PAK3: variants seen among roughly 807,000 people sequenced by gnomAD.
PAK3 encodes the protein serine/threonine-protein kinase PAK 3.
Under a neutral mutation model 41.0 loss-of-function variants are expected in PAK3, and 4 were observed. The observed-to-expected ratio is 0.10, with a 90% CI of 0.05 to 0.22. The LOEUF (loss-of-function observed/expected upper bound fraction) is 0.22. PAK3 is among the 10% of genes least tolerant of loss of function. The probability of loss-of-function intolerance (pLI) is 1.00; values close to 1 mark genes in which losing one functional copy is unlikely to be tolerated. For missense variants in PAK3, 205 were observed against 409.9 expected (o/e 0.50, Z 4.32); for synonymous variants, 146 against 139.6 (o/e 1.05, Z -0.32).
At chrX:111,217,946 A>T (rs776129445) in intron 17 of PAK3, among the ~76,000 whole-genome samples, 2 of 112,767 alleles carry the variant, frequency 1.8e-5, no homozygotes, top group Admixed American at 1.9e-4. Flanking sequence ...TTATCTAGTT[A>T]ATTCATTCCC....
intron 1 of PAK3, among the ~76,000 whole-genome samples, chrX:110,979,290 ACTTTT>A (rs201293902): frequency 0.049 from 2,025 of 40,976 alleles, 116 homozygotes; most frequent in Middle Eastern, 0.097. Context: ...TTTCTCTATT[ACTTTT>A]CTTTTTTTTT....
intron 1 of PAK3, among the ~76,000 whole-genome samples, chrX:111,040,035 G>GA (rs972004486): frequency 8.9e-5 from 9 of 101,674 alleles, no homozygotes; most frequent in African/African-American, 3.3e-4. Context: ...AAGAAAGAAA[G>GA]AAAAAAAAAT....
At chrX:111,009,578 T>C (rs2148705471) in intron 1 of PAK3, among the ~76,000 whole-genome samples, 1 of 112,122 alleles carries the variant, frequency 8.9e-6, no homozygotes, top group African/African-American at 3.2e-5. Context: ...TTTGTTATCA[T>C]GTCTTCTATC....
intron 6 of PAK3, chrX:111,144,891 C>T (rs747678142): frequency 1.5e-5 from 17 of 1,144,821 alleles, no homozygotes; most frequent in South Asian, 5.8e-5. Flanking sequence ...AGACCTGTGA[C>T]GGTCGCTTCA....
At chrX:111,100,081 A>G (rs988878878) in intron 3 of PAK3, among the ~76,000 whole-genome samples, 1 of 110,649 alleles carries the variant, frequency 9.0e-6, no homozygotes, top group Non-Finnish European at 1.9e-5. Context: ...GTCCAAGTTA[A>G]TAATCTGCTA....
intron 5 of PAK3, among the ~76,000 whole-genome samples, chrX:111,135,371 G>C (rs754599617): frequency 3.2e-4 from 35 of 111,012 alleles, no homozygotes; most frequent in African/African-American, 1.1e-3. Flanking sequence ...TTAGTGTGGG[G>C]GTCTGTGAGG....
chrX:111,130,229 G>A (rs1265285303), intron 5 of PAK3, among the ~76,000 whole-genome samples: 4 of 111,578 alleles, frequency 3.6e-5, no homozygotes, highest in Non-Finnish European at 5.7e-5. Context: ...GTGAGTGGGG[G>A]TGACTTGAAG....
chrX:111,160,854 C>G (rs2094173168), intron 8 of PAK3, among the ~76,000 whole-genome samples: 1 of 112,360 alleles, frequency 8.9e-6, no homozygotes, highest in Non-Finnish European at 1.9e-5. Context: ...TTTTCTTAAT[C>G]CAGTCTATCA....
intron 1 of PAK3, among the ~76,000 whole-genome samples, chrX:110,982,126 G>A (rs1216404817): frequency 8.9e-6 from 1 of 111,874 alleles, no homozygotes; most frequent in Non-Finnish European, 1.9e-5. Context: ...GTTAAGGATT[G>A]AAGCTGAACA....
At chrX:111,017,535 T>C (rs1230049738) in intron 1 of PAK3, among the ~76,000 whole-genome samples, 1 of 111,833 alleles carries the variant, frequency 8.9e-6, no homozygotes, top group African/African-American at 3.2e-5. Context: ...CTACCAATAT[T>C]GAATTATGAA....
intron 5 of PAK3, among the ~76,000 whole-genome samples, chrX:111,132,830 C>T (rs1402154004): frequency 9.0e-6 from 1 of 111,668 alleles, no homozygotes; most frequent in African/African-American, 3.3e-5. Context: ...GTGAGGGATA[C>T]TACATATGAG....
intron 1 of PAK3, among the ~76,000 whole-genome samples, chrX:110,983,976 T>G (rs2091494099): frequency 1.8e-5 from 2 of 111,631 alleles, no homozygotes; most frequent in African/African-American, 6.5e-5. Flanking sequence ...TTGAAAATAT[T>G]TACTGAATTT....
At chrX:111,075,271 G>T (rs1037433725) in intron 1 of PAK3, among the ~76,000 whole-genome samples, 2 of 112,533 alleles carry the variant, frequency 1.8e-5, no homozygotes, top group African/African-American at 6.5e-5. Context: ...AAGTCTTTGG[G>T]ACAGCTCCTC....
At chrX:111,112,334 C>T (rs2093389127) in intron 4 of PAK3, among the ~76,000 whole-genome samples, 1 of 110,297 alleles carries the variant, frequency 9.1e-6, no homozygotes, top group African/African-American at 3.3e-5. Context: ...CTCGACTGTA[C>T]TTCCCCTGTG....
intron 1 of PAK3, among the ~76,000 whole-genome samples, chrX:111,040,284 G>A (rs995061371): frequency 9.0e-6 from 1 of 111,562 alleles, no homozygotes; most frequent in African/African-American, 3.3e-5. Context: ...TCATTGGGTT[G>A]TTGTGACAAT....
At chrX:111,148,911 A>G (rs2093988432) in intron 7 of PAK3, among the ~76,000 whole-genome samples, 1 of 111,160 alleles carries the variant, frequency 9.0e-6, no homozygotes, top group African/African-American at 3.3e-5. Flanking sequence ...CCAAAGTCTT[A>G]ACTCATTTCA....
rs746600904 is a variant in PAK3 at position 111,024,695 on chromosome X, T to A, written c.-28+80067T>A. Among the ~76,000 whole-genome samples, 8 of 110,846 alleles carry A rather than the reference T, an allele frequency of 7.2e-5. No individual in the cohort carries two copies. In the East Asian group the frequency reaches 2.3e-3, roughly 32 times the overall value. On this transcript the variant is annotated intron_variant, in intron 1 of 14. Coordinates refer to the PAK3 transcript ENST00000425146. ...AATTAGATAGACAGCAACAAAATAA[T>A]TGTGGGGGACTTTAATACTCCACTG...
At chrX:111,047,130 T>C (rs1208516468) in intron 1 of PAK3, among the ~76,000 whole-genome samples, 2 of 112,270 alleles carry the variant, frequency 1.8e-5, no homozygotes, top group Non-Finnish European at 3.8e-5. Flanking sequence ...CTGCATTAAG[T>C]GAGATATATC....
At chrX:111,041,380 G>A (rs2092451050) in intron 1 of PAK3, among the ~76,000 whole-genome samples, 1 of 111,342 alleles carries the variant, frequency 9.0e-6, no homozygotes, top group Non-Finnish European at 1.9e-5. Flanking sequence ...TGGCCATATA[G>A]AGACAGTCTG....
Sources: allele counts gnomAD v4.1 joint callset (sites outside exome capture counted in the v4.1 genomes callset), GRCh38; gene constraint gnomAD v4.1.1; transcripts MANE v1.5; gene names NCBI Gene and HGNC (gene_info 2026-07-23, HGNC 2026-07-21).